ANKRD26: variants seen among roughly 807,000 people sequenced by gnomAD.
ANKRD26 encodes the protein ankyrin repeat domain 26, also known as ankyrin repeat domain-containing protein 26.
ANKRD26 carries 141 observed loss-of-function variants against 208.7 expected under a neutral mutation model. The observed-to-expected ratio is 0.68, with a 90% CI of 0.59 to 0.78. The LOEUF is 0.78. Ranked by LOEUF, ANKRD26 falls within the 30% of genes least tolerant of loss-of-function variation. ANKRD26 has a pLI of 0.00. For synonymous variants in ANKRD26, 636 were observed against 660.4 expected, an observed-to-expected ratio of 0.96 and a Z score of 0.57; for missense variants, 1,889 against 1,938.7, an observed-to-expected ratio of 0.97 and a Z score of 0.48.
Position 27,100,471 on chromosome 10 carries a change from C to G in ANKRD26, c.-145G>C, listed in dbSNP as rs1469485661. On this transcript the variant is annotated 5_prime_UTR_variant, in exon 1 of 34. Transcript: ENST00000376087. The stretch of plus-strand genomic sequence containing the variant: ...TTTCCAATCTCTCCCTCCGGGTTAC[C>G]AAGCAAGCGATCCCGCTAGACACAA... The G allele has an allele frequency of 8.0e-7, 1 of 1,245,656 alleles. No individual in the cohort carries two copies. The highest frequency in any genetic ancestry group is 1.5e-5 in the African/African-American group (1 of 66,112). The allele number at this position is 1,245,656 out of a possible 1,614,324, so 77.2% of individuals were successfully genotyped here. A position where few individuals can be genotyped will look rare whatever the true frequency, so the allele number is the denominator to read the frequency against.
Position 27,080,915 on chromosome 10 carries a change from G to A in ANKRD26, c.741-1754C>T, listed in dbSNP as rs536235189. ...GCCCTACCCTACATGTCCATGAGAA[G>A]GACATCAGAGAATTGGGAAAGGAGG... On this transcript the variant is annotated intron_variant, in intron 6 of 33. Transcript: ENST00000376087. 3.5e-5 allele frequency: 34 copies of A among 985,396 alleles called. No individual in the cohort carries two copies. The East Asian group carries it at 3.5e-3, about 102-fold the overall frequency. The allele number at this position is 985,396 out of a possible 1,614,324, so 61.0% of individuals were successfully genotyped here.
chr10:27,048,408 G>A (rs563161935), intron 17 of ANKRD26, among the ~76,000 whole-genome samples: 1 of 152,182 alleles, frequency 6.6e-6, no homozygotes, highest in East Asian at 1.9e-4. Context: ...CTTAACTTGT[G>A]TGTGTGCATT....
At position 27,029,239 on chromosome 10, in the gene ANKRD26, T is replaced by A. The variant is rs370733209; in HGVS notation, c.3878+47A>T. ...TAATTCTCATACTACACTGCTTATT[T>A]GCTCTATAAATAATCATGTTTTTCT... is the stretch of plus-strand genomic sequence containing the variant. On this transcript the variant is annotated intron_variant, in intron 26 of 33. Transcript: ENST00000376087. 6 of 1,555,004 alleles carry A rather than the reference T, an allele frequency of 3.9e-6. No homozygotes were observed. In the African/African-American group the frequency reaches 8.1e-5, roughly 21 times the overall value.
intron 1 of ANKRD26, among the ~76,000 whole-genome samples, chr10:27,096,030 T>C (rs1055491965): frequency 2.0e-5 from 3 of 152,158 alleles, no homozygotes; most frequent in African/African-American, 7.2e-5. Flanking sequence ...ATCTGTCCTC[T>C]ATAAACATCC....
intron 27 of ANKRD26, among the ~76,000 whole-genome samples, chr10:27,028,196 G>T (rs1335214371): frequency 6.6e-6 from 1 of 152,188 alleles, no homozygotes; most frequent in Non-Finnish European, 1.5e-5. Flanking sequence ...ACTCTTGAGT[G>T]TGGACAGGAT....
At chr10:26,967,202 C>T in the ANKRD26 span, among the ~76,000 whole-genome samples, 110 of 152,240 alleles carry the variant, frequency 7.2e-4, 1 homozygote, top group East Asian at 0.018. Context: ...AAAATGCTTT[C>T]GTAGACATTT....
At chr10:27,096,524 G>A (rs1564440290) in intron 1 of ANKRD26, among the ~76,000 whole-genome samples, 1 of 152,160 alleles carries the variant, frequency 6.6e-6, no homozygotes, top group Non-Finnish European at 1.5e-5. Context: ...AGCACTTTGG[G>A]AGGCTGAGGC....
chr10:26,994,402 C>G (rs1038582959), intron 5 of ANKRD26, among the ~76,000 whole-genome samples: 4 of 152,172 alleles, frequency 2.6e-5, no homozygotes, highest in African/African-American at 7.2e-5. Context: ...TGATGATGAA[C>G]ATATTCCATA....
intron 25 of ANKRD26, among the ~76,000 whole-genome samples, chr10:27,032,489 A>T (rs2053899092): frequency 6.6e-6 from 1 of 152,122 alleles, no homozygotes. Flanking sequence ...TACAAAAATT[A>T]GCCAGGCGTG....
Position 27,077,362 on chromosome 10 carries a change from C to T in ANKRD26, c.1053G>A (p.Ser351=), listed in dbSNP as rs753971885. 15 of 1,613,760 alleles carry T rather than the reference C, an allele frequency of 9.3e-6. No homozygotes were observed. The highest frequency in any genetic ancestry group is 4.5e-5 in the East Asian group (2 of 44,856). Residue 351 remains serine, a synonymous_variant, in exon 9 of 34, where the codon TCG becomes TCA. Coordinates refer to ENST00000376087, the MANE Select transcript of ANKRD26 (RefSeq NM_014915.3). ...CCTTCATAAGACCAGGGTTTGCTAA[C>T]GACTTGTGGGAAGGTTTTGGAAGAA... ...PDLLPKPSHK[S]LANPGLMKEE... is the part of the protein sequence containing the mutation.
rs536218801 is a variant in ANKRD26 at position 26,981,770 on chromosome 10, G to A, written c.*17+923C>T. ...CCTTTGAATTTAACCAATTCAAGGAGTGTGTCAGACCCAATGGGTTCTGCT... is the reference window on the plus strand; with the variant it reads ...CCTTTGAATTTAACCAATTCAAGGAATGTGTCAGACCCAATGGGTTCTGCT... On this transcript the variant is annotated intron_variant and NMD_transcript_variant, in intron 4 of 5. Transcript: ENST00000674670. 3.9e-5 allele frequency among the ~76,000 whole-genome samples: 6 copies of A among 152,316 alleles called. No homozygotes were observed. The East Asian group carries it at 1.2e-3, about 29-fold the overall frequency.
At chr10:27,039,851 G>T in intron 21 of ANKRD26, 114 bp downstream of exon 21, 2 of 909,140 alleles carry the variant, frequency 2.2e-6, no homozygotes, top group Non-Finnish European at 3.5e-6. Context: ...CACTCCACAA[G>T]ACTAAGAAGT....
chr10:27,096,154 T>C (rs2056458968), intron 1 of ANKRD26, among the ~76,000 whole-genome samples: 1 of 152,210 alleles, frequency 6.6e-6, no homozygotes, highest in African/African-American at 2.4e-5. Context: ...GTTAAATACC[T>C]GCTTCCAGAA....
At chr10:27,018,419 C>G (rs12354955) in intron 29 of ANKRD26, among the ~76,000 whole-genome samples, 16,060 of 151,800 alleles carry the variant, frequency 0.11, 1,145 homozygotes, top group East Asian at 0.28. Flanking sequence ...CAGGTGTGAG[C>G]CACTGCTCCC....
chr10:26,980,996 A>G (rs753605479), intron 4 of ANKRD26, among the ~76,000 whole-genome samples: 20 of 152,132 alleles, frequency 1.3e-4, no homozygotes, highest in Non-Finnish European at 2.5e-4. Context: ...CTACCTCTCT[A>G]GGTACCACTG....
Position 27,064,054 on chromosome 10 carries a change from AC to A in ANKRD26, c.1296del (p.Lys432AsnfsTer6). 7.4e-6 allele frequency: 12 copies of A among 1,611,258 alleles called. No individual in the cohort carries two copies. Among genetic ancestry groups the A allele is most frequent in the Non-Finnish European group, 1.0e-5 (12 of 1,179,420 alleles). The stretch of plus-strand genomic sequence containing the variant: ...GCAGCCCCAGCTAAAGGATCAACAT[AC>A]TTCTGTGGAAAATTCTCAGAGATAC... ...SESISENFPQKYVDPLAGAAD... is the reference protein window; with the variant it reads ...SESISENFPQXYVDPLAGAAD... On this transcript the variant is annotated frameshift_variant, in exon 12 of 34. Transcript: ENST00000376087. LOFTEE classifies it high-confidence loss of function.
At chr10:27,015,401 T>A (rs1270573997) in intron 30 of ANKRD26, among the ~76,000 whole-genome samples, 1 of 152,258 alleles carries the variant, frequency 6.6e-6, no homozygotes, top group Non-Finnish European at 1.5e-5. Context: ...AGTGTGATCC[T>A]GAGCCTGACT....
At chr10:26,953,979 T>A in the ANKRD26 span, among the ~76,000 whole-genome samples, 6 of 152,208 alleles carry the variant, frequency 3.9e-5, no homozygotes, top group African/African-American at 1.2e-4. Flanking sequence ...GAGTCAATCA[T>A]ATAATCTAGT....
the ANKRD26 span, among the ~76,000 whole-genome samples, chr10:26,967,044 A>C: frequency 6.6e-6 from 1 of 152,224 alleles, no homozygotes; most frequent in Non-Finnish European, 1.5e-5. Flanking sequence ...AAAGAATGTA[A>C]AACCCGATGA....
Sources: allele counts gnomAD v4.1 joint callset (sites outside exome capture counted in the v4.1 genomes callset), GRCh38; gene constraint gnomAD v4.1.1; transcripts MANE v1.5; gene names NCBI Gene and HGNC (gene_info 2026-07-23, HGNC 2026-07-21).